HPSE2: variants seen among roughly 807,000 people sequenced by gnomAD.
HPSE2 encodes the protein inactive heparanase-2.
Under a neutral mutation model 60.5 loss-of-function variants are expected in HPSE2, and 38 were observed. The ratio of observed to expected loss-of-function variants is 0.63; its 90% CI spans 0.48 to 0.82. The LOEUF (loss-of-function observed/expected upper bound fraction) is 0.82. HPSE2 is among the 40% of genes least tolerant of loss of function. The pLI is 0.00. For synonymous variants in HPSE2, 295 were observed against 293.2 expected, an observed-to-expected ratio of 1.01 and a Z score of -0.06; for missense variants, 713 against 740.4, an observed-to-expected ratio of 0.96 and a Z score of 0.43.
chr10:98,840,066 A>G (rs144850066), intron 3 of HPSE2, among the ~76,000 whole-genome samples: 265 of 152,302 alleles, frequency 1.7e-3, no homozygotes, highest in African/African-American at 6.0e-3. Context: ...TGACTTGTCC[A>G]AGGCCTTATA....
At chr10:98,757,917 T>G (rs1047013458) in intron 3 of HPSE2, among the ~76,000 whole-genome samples, 2 of 152,116 alleles carry the variant, frequency 1.3e-5, no homozygotes, top group Non-Finnish European at 2.9e-5. Flanking sequence ...GCCAGAGGCA[T>G]CACATTACCT....
In HPSE2 at chr10:98,779,757, A is replaced by G. The variant is rs549576302; in HGVS notation, c.611-35701T>C. Among the ~76,000 whole-genome samples the G allele has an allele frequency of 5.3e-4, 81 of 152,270 alleles. No individual in the cohort carries two copies. The South Asian group carries it at 0.016, about 31-fold the overall frequency. On this transcript the variant is annotated intron_variant, in intron 3 of 11. Coordinates refer to ENST00000370552, the MANE Select transcript of HPSE2 (RefSeq NM_021828.5). ...CATAGCATGCACTGAGGTAAAAGGAATATAAAATGAATAAGACAGTCCCTA... is the reference window on the plus strand; with the variant it reads ...CATAGCATGCACTGAGGTAAAAGGAGTATAAAATGAATAAGACAGTCCCTA...
chr10:98,551,812 T>G (rs762253673), intron 9 of HPSE2, among the ~76,000 whole-genome samples: 1 of 152,182 alleles, frequency 6.6e-6, no homozygotes. Flanking sequence ...TCCTAATTGA[T>G]ACAGCACTGT....
At chr10:98,618,427 G>A (rs528360444) in intron 8 of HPSE2, among the ~76,000 whole-genome samples, 126 of 152,238 alleles carry the variant, frequency 8.3e-4, no homozygotes, top group African/African-American at 2.9e-3. Flanking sequence ...CTGCTTGCTG[G>A]GCCCTGCAGC....
chr10:98,898,234 C>T (rs1205300640), intron 3 of HPSE2, among the ~76,000 whole-genome samples: 1 of 152,132 alleles, frequency 6.6e-6, no homozygotes, highest in Non-Finnish European at 1.5e-5. Flanking sequence ...TAGATATTCA[C>T]CCAACTGATT....
intron 3 of HPSE2, among the ~76,000 whole-genome samples, chr10:99,061,950 A>G (rs978619411): frequency 1.3e-5 from 2 of 152,190 alleles, no homozygotes; most frequent in Non-Finnish European, 2.9e-5. Flanking sequence ...GCATATGACT[A>G]TAGTAAGGTC....
chr10:98,527,965 T>C lies in HPSE2; in HGVS notation c.1321-37769A>G, dbSNP rs543206320. ...GAACTATGTATTTTAAGCCCCCAAG[T>C]TGCTGATCTGAGGCCCTTCAGCAGT... On this transcript the variant is annotated intron_variant, in intron 9 of 11. Transcript: ENST00000370552. 5.1e-4 allele frequency among the ~76,000 whole-genome samples: 78 copies of C among 152,200 alleles called. 1 individual carries two copies. The highest frequency in any genetic ancestry group is 1.4e-3 in the South Asian group (7 of 4,832).
chr10:99,298,799 T>A, the HPSE2 span, among the ~76,000 whole-genome samples: 4 of 152,014 alleles, frequency 2.6e-5, no homozygotes, highest in Non-Finnish European at 5.9e-5. Flanking sequence ...CTTAGCCTCC[T>A]GAGTAGCTGG....
At chr10:99,001,351 T>G (rs2135373872) in intron 3 of HPSE2, among the ~76,000 whole-genome samples, 1 of 152,228 alleles carries the variant, frequency 6.6e-6, no homozygotes, top group Non-Finnish European at 1.5e-5. Context: ...GGTTCTAGTT[T>G]GACTAAATTT....
intron 2 of HPSE2, among the ~76,000 whole-genome samples, chr10:99,226,831 G>A (rs997745608): frequency 4.6e-5 from 7 of 151,958 alleles, no homozygotes; most frequent in Admixed American, 2.6e-4. Context: ...AGTTCCACCC[G>A]CTAAGTCCAA....
intron 3 of HPSE2, among the ~76,000 whole-genome samples, chr10:98,983,951 G>A (rs934182659): frequency 2.6e-5 from 4 of 152,174 alleles, no homozygotes; most frequent in African/African-American, 4.8e-5. Context: ...GGGGAGGGGC[G>A]ACCCTCATTG....
At chr10:98,848,289 G>A (rs191500490) in intron 3 of HPSE2, among the ~76,000 whole-genome samples, 3 of 152,118 alleles carry the variant, frequency 2.0e-5, no homozygotes, top group South Asian at 2.1e-4. Flanking sequence ...ATGGTGGTAT[G>A]AGCATGTAAT....
intron 9 of HPSE2, among the ~76,000 whole-genome samples, chr10:98,524,504 A>C (rs1942901026): frequency 6.6e-6 from 1 of 152,212 alleles, no homozygotes; most frequent in South Asian, 2.1e-4. Flanking sequence ...AAACAACCAA[A>C]GAGCCTGATC....
In HPSE2 at chr10:99,123,208, T is replaced by C. The variant is rs545378909; in HGVS notation, c.610+21030A>G. Among the ~76,000 whole-genome samples the C allele has an allele frequency of 2.6e-5, 4 of 152,190 alleles. No individual in the cohort carries two copies. The East Asian group carries it at 5.8e-4, about 22-fold the overall frequency. On this transcript the variant is annotated intron_variant, in intron 3 of 11. Coordinates refer to ENST00000370552, the MANE Select transcript of HPSE2 (RefSeq NM_021828.5). ...AGTGAAAAATGGTTTGCAATACATA[T>C]GACAAAGGATTAACATTTCTATTCA...
chr10:99,217,019 C>T (rs2133921211), intron 2 of HPSE2, among the ~76,000 whole-genome samples: 1 of 152,154 alleles, frequency 6.6e-6, no homozygotes, highest in South Asian at 2.1e-4. Flanking sequence ...TTTATTTAAA[C>T]CCTAGGAAAG....
intron 3 of HPSE2, among the ~76,000 whole-genome samples, chr10:98,794,585 T>G (rs1028182367): frequency 6.6e-6 from 1 of 152,190 alleles, no homozygotes; most frequent in Non-Finnish European, 1.5e-5. Context: ...TTCCTAATAT[T>G]TTCTTGTCTT....
chr10:99,224,489 A>C (rs926288216), intron 2 of HPSE2, among the ~76,000 whole-genome samples: 3 of 151,808 alleles, frequency 2.0e-5, no homozygotes, highest in Admixed American at 2.0e-4. Flanking sequence ...TTACAGACTG[A>C]GATAGCTGAA....
chr10:99,110,528 C>A (rs1844418112), intron 3 of HPSE2, among the ~76,000 whole-genome samples: 1 of 151,966 alleles, frequency 6.6e-6, no homozygotes, highest in Non-Finnish European at 1.5e-5. Context: ...CCATTTTCCA[C>A]AAAAGAAGTT....
chr10:98,545,761 C>G (rs995154759), intron 9 of HPSE2, among the ~76,000 whole-genome samples: 13 of 151,746 alleles, frequency 8.6e-5, no homozygotes, highest in African/African-American at 3.1e-4. Context: ...GATGCCCTCT[C>G]TCACCACTCC....
Sources: gnomAD v4.1 joint callset for allele counts (sites outside exome capture counted in the v4.1 genomes callset) on GRCh38, gnomAD v4.1.1 for gene constraint, MANE v1.5 for transcripts, NCBI Gene and HGNC (gene_info 2026-07-23, HGNC 2026-07-21) for gene names.